ANO8: variants seen among roughly 807,000 people sequenced by gnomAD.
ANO8 encodes the protein anoctamin 8.
A neutral mutation model predicts 120.4 loss-of-function variants in ANO8; 67 were observed. The ratio of observed to expected loss-of-function variants is 0.56; its 90% CI spans 0.46 to 0.68. The LOEUF is 0.68. ANO8 is among the 30% of genes least tolerant of loss of function. The pLI, the probability that ANO8 is intolerant of heterozygous loss-of-function variation, is 0.00. For synonymous variants in ANO8, 727 were observed against 759.2 expected, an observed-to-expected ratio of 0.96 and a Z score of 0.70; for missense variants, 1,526 against 1,737.6, an observed-to-expected ratio of 0.88 and a Z score of 2.16.
chr19:17,330,663 A>C (rs2074311055), intron 8 of ANO8, among the ~76,000 whole-genome samples, 159 bp from the exon 9 acceptor site: 1 of 151,402 alleles, frequency 6.6e-6, no homozygotes, highest in Non-Finnish European at 1.5e-5. Flanking sequence ...CTCAAATCCA[A>C]CTTCCACCTC....
Position 17,328,822 on chromosome 19 carries a change from C to A in ANO8, c.1566G>T (p.Ala522=). The change falls in exon 13 of 18, where the codon GCG becomes GCT. Residue 522 remains alanine, a synonymous_variant. Coordinates refer to ENST00000159087, the MANE Select transcript of ANO8 (RefSeq NM_020959.3). ...CCGCCTGGGGTTCGAGGCGGCGGGG[C>A]GCAGGGCGCCGGAGGCTCAGGAGGC... is the stretch of plus-strand genomic sequence containing the variant. ...LLGLLSLRRP[A]PRRLEPQADE... 7.0e-7 allele frequency: 1 copy of A among 1,429,368 alleles called. No individual in the cohort carries two copies. Among genetic ancestry groups the A allele is most frequent in the Non-Finnish European group, 9.1e-7 (1 of 1,095,920 alleles). The allele number at this position is 1,429,368 out of a possible 1,614,324, so 88.5% of individuals were successfully genotyped here. A position where few individuals can be genotyped will look rare whatever the true frequency, so the allele number is the denominator to read the frequency against.
At chr19:17,334,246 G>A (rs372400952) in intron 1 of ANO8, among the ~76,000 whole-genome samples, 1 of 152,224 alleles carries the variant, frequency 6.6e-6, no homozygotes, top group African/African-American at 2.4e-5. Flanking sequence ...ACCCAGGACC[G>A]TATGATTCTG....
At position 17,328,552 on chromosome 19, in the gene ANO8, G is replaced by A. The variant is rs1359395514; in HGVS notation, c.1836C>T (p.Leu612=). Reference sequence around the variant, plus strand: ...CAGCGAAGCTGACCTTCTTCAGCCGGAGCCCGCAGTCCAGGAGGCCCCCTT... The same window carrying A: ...CAGCGAAGCTGACCTTCTTCAGCCGAAGCCCGCAGTCCAGGAGGCCCCCTT... ...GEEGGLLDCG[L]RLKKVSFAER... is the part of the protein sequence containing the mutation. Residue 612 remains leucine, a synonymous_variant, in exon 13 of 18, where the codon CTC becomes CTT. Coordinates refer to ENST00000159087, the MANE Select transcript of ANO8 (RefSeq NM_020959.3). The A allele has an allele frequency of 1.3e-6, 2 of 1,548,552 alleles. No individual in the cohort carries two copies. The highest frequency in any genetic ancestry group is 2.4e-5 in the East Asian group (1 of 41,140).
rs2074329578 is a variant in ANO8 at position 17,332,935 on chromosome 19, G to C, written c.581C>G (p.Pro194Arg). 6.2e-7 allele frequency: 1 copy of C among 1,613,950 alleles called. No homozygotes were observed. The highest frequency in any genetic ancestry group is 8.5e-7 in the Non-Finnish European group (1 of 1,180,042). The change falls in exon 5 of 18, where the codon CCA becomes CGA. Residue 194 changes from proline to arginine, a missense_variant. Pro to Arg is a moderately radical substitution (Grantham distance 103, BLOSUM62 -2). This residue lies in a region of ANO8 where 322 missense variants were observed against 431.8 expected (regional missense o/e 0.75). Transcript: ENST00000159087. ...LHNVRFLEDQ[P>R]IIPELAARGI... ...GTTGACCCCGCCCTGCTCACTGATT[G>C]GCTGGTCCTCCAGGAAGCGCACGTT...
intron 16 of ANO8, 152 bp from the exon 17 acceptor site, chr19:17,325,538 C>A: frequency 8.5e-7 from 1 of 1,180,860 alleles, no homozygotes; most frequent in Non-Finnish European, 1.1e-6. Context: ...ACAATGGGGG[C>A]TCCCTGCAGA....
At position 17,323,496 on chromosome 19, in the gene ANO8, G is replaced by A. The variant is rs576710055; in HGVS notation, c.*21C>T. ...GAATGACTGATATTGCATATGAGAA[G>A]AGAAGGCAGGGCGGGTAGAGCTAAT... On this transcript the variant is annotated 3_prime_UTR_variant, in exon 18 of 18. Transcript: ENST00000159087. The A allele has an allele frequency of 5.4e-6, 7 of 1,291,860 alleles. No homozygotes were observed. The highest frequency in any genetic ancestry group is 3.1e-5 in the Admixed American group (1 of 32,654). 80.0% of individuals were successfully genotyped at this position (1,291,860 alleles called of 1,614,324 possible).
Position 17,328,566 on chromosome 19 carries a change from G to A in ANO8, c.1822C>T (p.Leu608=), listed in dbSNP as rs1473217479. The A allele has an allele frequency of 3.2e-6, 5 of 1,547,728 alleles. No individual in the cohort carries two copies. In the East Asian group the frequency reaches 7.3e-5, roughly 23 times the overall value. ...DEEEGEEGGL[L]DCGLRLKKVS... The stretch of plus-strand genomic sequence containing the variant: ...TTCTTCAGCCGGAGCCCGCAGTCCA[G>A]GAGGCCCCCTTCCTCGCCCTCCTCC... Residue 608 remains leucine, a synonymous_variant, in exon 13 of 18, where the codon CTG becomes TTG. Coordinates refer to ENST00000159087, the MANE Select transcript of ANO8 (RefSeq NM_020959.3).
At chr19:17,330,322 G>A (rs747640382) in intron 9 of ANO8, 30 bp downstream of exon 9, 1 of 1,611,266 alleles carries the variant, frequency 6.2e-7, no homozygotes, top group South Asian at 1.1e-5. Flanking sequence ...AGGTACCAAG[G>A]ACAGGGCGGG....
chr19:17,333,844 C>G lies in ANO8; in HGVS notation c.107-44G>C, dbSNP rs936324508. 1 of 1,505,254 alleles carries G rather than the reference C, an allele frequency of 6.6e-7. No homozygotes were observed. Among genetic ancestry groups the G allele is most frequent in the Non-Finnish European group, 9.0e-7 (1 of 1,106,626 alleles). 93.2% of individuals were successfully genotyped at this position (1,505,254 alleles called of 1,614,324 possible). ...GGCCCGGGTCAGGCCACTCTGGGAT[C>G]CGGACCCGGCCTCCAGTCTTGGCTC... On this transcript the variant is annotated intron_variant, in intron 1 of 17. Transcript: ENST00000159087. This position sits in a 1 kb window ranked among gnomAD's most constrained non-coding sequence, Gnocchi z 7.2.
In ANO8 at chr19:17,333,125, G is replaced by A. The variant is rs757528540; in HGVS notation, c.465C>T (p.Ser155=). The A allele has an allele frequency of 9.9e-6, 16 of 1,613,952 alleles. No homozygotes were observed. Among genetic ancestry groups the A allele is most frequent in the Middle Eastern group, 1.6e-4 (1 of 6,084 alleles). ...CCTGGGAGGTGAAGAAGCGTAGCTC[G>A]CTCTCCACATTCTCATAGATAAAGT... ...EEDFIYENVE[S]ELRFFTSQER... is the part of the protein sequence containing the mutation. Residue 155 remains serine (S), a synonymous_variant, in exon 4 of 18, where the codon AGC becomes AGT. Coordinates refer to ENST00000159087, the MANE Select transcript of ANO8 (RefSeq NM_020959.3). The surrounding 1 kb of genome is among the most constrained non-coding windows in gnomAD (Gnocchi z 7.2).
At chr19:17,323,942 G>C in intron 17 of ANO8, 58 bp from the exon 18 acceptor site, 1 of 1,093,058 alleles carries the variant, frequency 9.1e-7, no homozygotes, top group Non-Finnish European at 1.1e-6. Context: ...ACCCCGCCGG[G>C]CTGGCAACCC....
chr19:17,329,171 C>T, intron 12 of ANO8, 188 bp from the exon 13 acceptor site: 1 of 502,720 alleles, frequency 2.0e-6, no homozygotes, highest in Non-Finnish European at 3.5e-6. Flanking sequence ...CAAAATACAG[C>T]CTGGCACGCG....
chr19:17,328,840 C>G lies in ANO8; in HGVS notation c.1548G>C (p.Leu516=). 1.4e-6 allele frequency: 2 copies of G among 1,474,002 alleles called. No homozygotes were observed. Among genetic ancestry groups the G allele is most frequent in the Non-Finnish European group, 8.9e-7 (1 of 1,117,664 alleles). The allele number at this position is 1,474,002 out of a possible 1,614,324, so 91.3% of individuals were successfully genotyped here. A position where few individuals can be genotyped will look rare whatever the true frequency, so the allele number is the denominator to read the frequency against. The change falls in exon 13 of 18, where the codon CTG becomes CTC. Residue 516 remains leucine (L), a synonymous_variant. Transcript: ENST00000159087. ...GGCGGGGCGCAGGGCGCCGGAGGCT[C>G]AGGAGGCCAAGCAGGGCTCGGGCCA... is the stretch of plus-strand genomic sequence containing the variant. ...WELARALLGL[L]SLRRPAPRRL... is the part of the protein sequence containing the mutation.
In ANO8 at chr19:17,333,091, C is replaced by A; in HGVS notation, c.489+10G>T. On this transcript the variant is annotated intron_variant, in intron 4 of 17. Coordinates refer to ENST00000159087, the MANE Select transcript of ANO8 (RefSeq NM_020959.3). The surrounding 1 kb of genome is among the most constrained non-coding windows in gnomAD (Gnocchi z 7.2). ...ACAGGATGCATGCGGGGGCCCAGAG[C>A]CGGCCTCACCTGGGAGGTGAAGAAG... The A allele has an allele frequency of 6.2e-7, 1 of 1,613,732 alleles. No individual in the cohort carries two copies. Among genetic ancestry groups the A allele is most frequent in the Non-Finnish European group, 8.5e-7 (1 of 1,179,736 alleles).
At position 17,323,616 on chromosome 19, in the gene ANO8, TG is replaced by T; in HGVS notation, c.3599del (p.Pro1200HisfsTer119). 2 of 805,726 alleles carry T rather than the reference TG, an allele frequency of 2.5e-6. No individual in the cohort carries two copies. The allele number at this position is 805,726 out of a possible 1,614,324, so 49.9% of individuals were successfully genotyped here. A position where few individuals can be genotyped will look rare whatever the true frequency, so the allele number is the denominator to read the frequency against. On this transcript the variant is annotated frameshift_variant, in exon 18 of 18. Transcript: ENST00000159087. LOFTEE classifies it low-confidence loss of function (END_TRUNC). ...GDASFYSLPP[P>X]PLPPTSDPLE... is the part of the protein sequence containing the mutation. ...GGGGATCCGAGGTGGGCGGTAGCGG[TG>T]GGGGCGGGAGGCTGTAAAAGCTGGC...
In ANO8 at chr19:17,328,315, GGGCCCCTGGTCTC is replaced by G. The variant is rs766709864; in HGVS notation, c.2060_2072del (p.Arg687ProfsTer48). 1.3e-6 allele frequency: 2 copies of G among 1,597,492 alleles called. No individual in the cohort carries two copies. Among genetic ancestry groups the G allele is most frequent in the Non-Finnish European group, 1.7e-6 (2 of 1,174,256 alleles). On this transcript the variant is annotated frameshift_variant, in exon 13 of 18. Transcript: ENST00000159087. LOFTEE classifies it high-confidence loss of function. ...CGGGTTCCGGGTCCGGGCCCCCGTC[GGGCCCCTGGTCTC>G]GGCCCTCGCCCCCGGCCCGGCGGAA... is the stretch of plus-strand genomic sequence containing the variant.
At chr19:17,327,596 G>A (rs1334164141) in intron 14 of ANO8, 27 bp from the exon 15 acceptor site, 14 of 1,612,186 alleles carry the variant, frequency 8.7e-6, no homozygotes, top group Non-Finnish European at 1.2e-5. Flanking sequence ...GGGCTCAGGC[G>A]GGGTCCAGCC....
chr19:17,334,316 G>A (rs2074343994), intron 1 of ANO8, among the ~76,000 whole-genome samples: 1 of 152,190 alleles, frequency 6.6e-6, no homozygotes, highest in Non-Finnish European at 1.5e-5. Flanking sequence ...CCCGCAGCCC[G>A]GGGGTGGCAG....
chr19:17,326,093 C>G (rs556430187), intron 16 of ANO8, among the ~76,000 whole-genome samples: 2 of 152,200 alleles, frequency 1.3e-5, no homozygotes, highest in Admixed American at 1.3e-4. Context: ...AACAAACATT[C>G]ACTGGCCATC....
Sources: allele counts gnomAD v4.1 joint callset (sites outside exome capture counted in the v4.1 genomes callset), GRCh38; gene constraint gnomAD v4.1.1; regional missense constraint gnomAD v4.1.1; non-coding constraint Gnocchi (gnomAD v3.1); transcripts MANE v1.5; gene names NCBI Gene and HGNC (gene_info 2026-07-23, HGNC 2026-07-21).